The following PAICS variants were observed in gnomAD, a reference collection of about 807,000 sequenced individuals.
The protein encoded by PAICS is bifunctional phosphoribosylaminoimidazole carboxylase/phosphoribosylaminoimidazole succinocarboxamide synthetase.
Under a neutral mutation model 53.7 loss-of-function variants are expected in PAICS, and 33 were observed. The observed-to-expected ratio is 0.61, with a 90% CI of 0.47 to 0.82. The LOEUF (loss-of-function observed/expected upper bound fraction) is 0.82. PAICS is among the 40% of genes least tolerant of loss of function. The pLI is 0.00. For synonymous variants in PAICS, 141 were observed against 167.2 expected (o/e 0.84, Z 1.21); for missense variants, 394 against 494.1 (o/e 0.80, Z 1.92).
At chr4:56,428,985 A>C in the PAICS span, 10 of 978,026 alleles carry the variant, frequency 1.0e-5, no homozygotes, top group South Asian at 4.7e-4. Flanking sequence ...TTGAGCTTCA[A>C]GAGAAAAGCA....
At chr4:56,443,828 G>T (rs1169193410) in intron 2 of PAICS, among the ~76,000 whole-genome samples, 7 of 152,130 alleles carry the variant, frequency 4.6e-5, no homozygotes, top group Non-Finnish European at 1.0e-4. Flanking sequence ...GAACAGGGAA[G>T]GATGGTTACC....
intron 2 of PAICS, among the ~76,000 whole-genome samples, chr4:56,442,318 A>G (rs1578148987): frequency 6.6e-6 from 1 of 152,346 alleles, no homozygotes; most frequent in African/African-American, 2.4e-5. Flanking sequence ...GAAGACAGCA[A>G]CCAAACCTTC....
chr4:56,435,292 G>A (rs1717843762), upstream of PAICS: 2 of 1,605,150 alleles, frequency 1.2e-6, no homozygotes, highest in African/African-American at 1.3e-5. Flanking sequence ...GCCGACTGCG[G>A]GAAGCGGCTC....
the PAICS span, chr4:56,419,540 T>A: frequency 5.4e-6 from 2 of 371,282 alleles, no homozygotes; most frequent in Non-Finnish European, 7.4e-6. Flanking sequence ...CTTTCTTTAA[T>A]AATGTTGCAT....
rs906235902 is a variant in PAICS, at chr4:56,448,762, T to C, written c.626T>C (p.Ile209Thr). ...AAAGAAATTGTTCTTGCTGATGTTA[T>C]TGACAATGATTCCTGGAGACTCTGG... The part of the protein sequence containing the change: ...TTKEIVLADV[I>T]DNDSWRLWPS... The change falls in exon 5 of 9, where the codon ATT (isoleucine) becomes ACT (threonine). Residue 209 changes from isoleucine (I) to threonine (T), a missense_variant. Ile to Thr is a moderately conservative substitution (Grantham distance 89, BLOSUM62 -1). This residue lies in a region of PAICS where 131 missense variants were observed against 205.5 expected (regional missense o/e 0.64). Coordinates refer to ENST00000512576, the MANE Select transcript of PAICS (RefSeq NM_001079524.2). 1 of 1,599,436 alleles carries C rather than the reference T, an allele frequency of 6.3e-7. No homozygotes were observed. The highest frequency in any genetic ancestry group is 1.1e-5 in the South Asian group (1 of 88,414).
At chr4:56,414,275 G>C in the PAICS span, 2 of 152,198 alleles carry the variant, frequency 1.3e-5, no homozygotes, top group African/African-American at 2.4e-5. Flanking sequence ...GGAAGAAAAC[G>C]AAAGTGCCTT....
At chr4:56,425,906 T>C in the PAICS span, among the ~76,000 whole-genome samples, 10 of 152,330 alleles carry the variant, frequency 6.6e-5, no homozygotes, top group East Asian at 1.9e-3. Context: ...CTTTATAACT[T>C]CCCACAGACA....
chr4:56,436,036 G>A, upstream of PAICS: 1 of 1,520,308 alleles, frequency 6.6e-7, no homozygotes, highest in South Asian at 1.2e-5. Context: ...TCGCCTGTCC[G>A]GGCACTGCGC....
At chr4:56,415,490 A>T in the PAICS span, among the ~76,000 whole-genome samples, 1 of 152,244 alleles carries the variant, frequency 6.6e-6, no homozygotes, top group Non-Finnish European at 1.5e-5. Flanking sequence ...CCATAAAACA[A>T]GGAAATCAAA....
intron 1 of PAICS, among the ~76,000 whole-genome samples, chr4:56,440,331 G>A (rs1374720718): frequency 3.3e-5 from 5 of 152,198 alleles, no homozygotes; most frequent in African/African-American, 1.2e-4. Flanking sequence ...CATTACATTA[G>A]GGAGGGTAGA....
chr4:56,437,326 T>C (rs1718066996), intron 1 of PAICS, among the ~76,000 whole-genome samples: 1 of 150,828 alleles, frequency 6.6e-6, no homozygotes, highest in Admixed American at 6.6e-5. Flanking sequence ...GATGCCACGA[T>C]GGCTTTGAAG....
Position 56,452,269 on chromosome 4 carries a change from C to T in PAICS, c.952+217C>T, listed in dbSNP as rs113485157. ...TCTCAGCTCACTGCAAGCTCCACCT[C>T]CCGGGTTCACACCATTCTCCTGCCT... is the stretch of plus-strand genomic sequence containing the variant. On this transcript the variant is annotated intron_variant, in intron 7 of 8. Transcript: ENST00000512576. Among the ~76,000 whole-genome samples the T allele has an allele frequency of 5.3e-5, 8 of 152,274 alleles. No homozygotes were observed. In the East Asian group the frequency reaches 1.4e-3, roughly 26 times the overall value.
the PAICS span, among the ~76,000 whole-genome samples, chr4:56,418,310 C>T: frequency 8.5e-5 from 13 of 152,052 alleles, no homozygotes; most frequent in East Asian, 2.1e-3. Context: ...TTTTAAAAAA[C>T]TTATTTTATT....
chr4:56,422,482 C>CGTGTGTGTGT, the PAICS span: 47 of 138,560 alleles, frequency 3.4e-4, no homozygotes, highest in African/African-American at 1.2e-3. Context: ...TTTTTTTGTA[C>CGTGTGTGTGT]GTGTGTGTGT....
At position 56,446,772 on chromosome 4, in the gene PAICS, T is replaced by A; in HGVS notation, c.292T>A (p.Trp98Arg). 2 of 1,607,692 alleles carry A rather than the reference T, an allele frequency of 1.2e-6. No individual in the cohort carries two copies. ...APQCEMIPIE[W>R]VCRRIATGSF... ...GCAGTGTGAAATGATTCCAATTGAA[T>A]GGGTTTGCAGAAGAATAGCAACTGG... Residue 98 changes from tryptophan (W) to arginine (R), a missense_variant, in exon 3 of 9, where the codon TGG (tryptophan) becomes AGG (arginine). By Grantham distance (101) the Trp-to-Arg change is moderately radical (BLOSUM62 -3). Around this residue, in one of 3 missense-constraint regions of PAICS, gnomAD observed 168 missense variants for 199.3 expected, o/e 0.84. Coordinates refer to ENST00000512576, the MANE Select transcript of PAICS (RefSeq NM_001079524.2).
chr4:56,415,246 AATGAG>A, the PAICS span, among the ~76,000 whole-genome samples: 292 of 152,340 alleles, frequency 1.9e-3, 1 homozygote, highest in African/African-American at 6.6e-3. Flanking sequence ...TGAAATGATT[AATGAG>A]ATGAGTAAAT....
chr4:56,438,812 A>AT (rs1718185051), intron 1 of PAICS, among the ~76,000 whole-genome samples: 1 of 152,170 alleles, frequency 6.6e-6, no homozygotes, highest in Non-Finnish European at 1.5e-5. Flanking sequence ...ATATTTTACA[A>AT]TTTTTTATAT....
chr4:56,450,712 C>A lies in PAICS; in HGVS notation c.771+10C>A. 1.5e-6 allele frequency: 2 copies of A among 1,315,706 alleles called. No homozygotes were observed. The highest frequency in any genetic ancestry group is 2.1e-6 in the Non-Finnish European group (2 of 931,588). 81.5% of individuals were successfully genotyped at this position (1,315,706 alleles called of 1,614,324 possible). ...TGCAGAGAGAGTAGAGGTAAACCTTCTATAGTAAAACTGTATGTATTATGT... is the reference window on the plus strand; with the variant it reads ...TGCAGAGAGAGTAGAGGTAAACCTTATATAGTAAAACTGTATGTATTATGT... On this transcript the variant is annotated intron_variant, in intron 6 of 8. Coordinates refer to ENST00000512576, the MANE Select transcript of PAICS (RefSeq NM_001079524.2).
chr4:56,417,835 G>GTTTTT, the PAICS span, among the ~76,000 whole-genome samples: 166 of 102,530 alleles, frequency 1.6e-3, 6 homozygotes, highest in African/African-American at 5.5e-3. Flanking sequence ...TGAAGATTTG[G>GTTTTT]TTTTTTGTTT....
Sources: gnomAD v4.1 joint callset for allele counts (sites outside exome capture counted in the v4.1 genomes callset) on GRCh38, gnomAD v4.1.1 for gene constraint, gnomAD v4.1.1 regional missense constraint, MANE v1.5 for transcripts, NCBI Gene and HGNC (gene_info 2026-07-23, HGNC 2026-07-21) for gene names.